Variants in ARHGAP44 observed in about 807,000 individuals in gnomAD.
The protein encoded by ARHGAP44 is rho GTPase-activating protein 44.
Under a neutral mutation model 106.8 loss-of-function variants are expected in ARHGAP44, and 43 were observed. That is an observed-to-expected ratio of 0.40 (90% CI 0.32 to 0.52). ARHGAP44 has a LOEUF of 0.52. Ranked by LOEUF, ARHGAP44 falls within the 20% of genes least tolerant of loss-of-function variation. ARHGAP44 has a pLI of 0.48. For missense variants in ARHGAP44, 866 were observed against 1,050.5 expected, an observed-to-expected ratio of 0.82 and a Z score of 2.43; for synonymous variants, 439 against 410.3, an observed-to-expected ratio of 1.07 and a Z score of -0.85.
intron 19 of ARHGAP44, chr17:12,982,589 AG>A (rs1393207529): frequency 2.0e-5 from 3 of 152,202 alleles, no homozygotes; most frequent in African/African-American, 7.2e-5. Context: ...CCCTGTACTC[AG>A]GAAGTAGAGT....
chr17:12,969,840 C>T (rs1416513939), intron 16 of ARHGAP44, among the ~76,000 whole-genome samples: 1 of 152,150 alleles, frequency 6.6e-6, no homozygotes, highest in African/African-American at 2.4e-5. Context: ...CATGGAAATG[C>T]CGGAAACAGG....
intron 20 of ARHGAP44, among the ~76,000 whole-genome samples, chr17:12,989,714 T>A (rs547650647): frequency 3.9e-5 from 6 of 152,316 alleles, no homozygotes; most frequent in Admixed American, 3.3e-4. Context: ...AAAGGTGTCA[T>A]TGAGACCTAC....
At chr17:12,868,591 TTATATATATATATATATATATATA>T (rs1209692482) in intron 1 of ARHGAP44, among the ~76,000 whole-genome samples, 8 of 47,142 alleles carry the variant, frequency 1.7e-4, no homozygotes, top group Non-Finnish European at 3.1e-4. Context: ...TATATGCATT[TTATATATATATATATATATATATA>T]TATATATATA....
chr17:12,845,401 G>A (rs144780872), intron 1 of ARHGAP44, among the ~76,000 whole-genome samples: 3 of 151,404 alleles, frequency 2.0e-5, no homozygotes, highest in African/African-American at 7.3e-5. Flanking sequence ...TCAGCTACTC[G>A]GGAGGCTGAG....
At chr17:12,978,687 TTTCTTTTTTC>T (rs1424547284) in intron 18 of ARHGAP44, among the ~76,000 whole-genome samples, 1 of 131,182 alleles carries the variant, frequency 7.6e-6, no homozygotes, top group African/African-American at 2.9e-5. Flanking sequence ...TCTTTTCTTT[TTTCTTTTTTC>T]TTTTTTTTTT....
chr17:12,846,847 G>A (rs1221258904), intron 1 of ARHGAP44, among the ~76,000 whole-genome samples: 2 of 152,110 alleles, frequency 1.3e-5, no homozygotes, highest in Admixed American at 6.5e-5. Context: ...TTCATTTTGC[G>A]TGCACAGCAA....
At chr17:12,967,249 CTTTTTTTT>C (rs57651305) in intron 16 of ARHGAP44, among the ~76,000 whole-genome samples, 24 of 93,184 alleles carry the variant, frequency 2.6e-4, no homozygotes, top group South Asian at 1.3e-3. Flanking sequence ...ACTCTTTTTG[CTTTTTTTT>C]TTTTTTTTTT....
chr17:12,984,779 C>A lies in ARHGAP44; in HGVS notation c.2188C>A (p.Pro730Thr). ...CACTTTGAGCAAATCGCGGCCCACT[C>A]CTAAGCCGCGACAGAGACCTACTCT... ...TSTLSKSRPT[P>T]KPRQRPTLPP... Residue 730 changes from proline to threonine, a missense_variant, in exon 20 of 21, where the codon CCT becomes ACT. Pro to Thr is a conservative substitution (Grantham distance 38). Transcript: ENST00000379672. 6.2e-7 allele frequency: 1 copy of A among 1,614,008 alleles called. No homozygotes were observed. Among genetic ancestry groups the A allele is most frequent in the Non-Finnish European group, 8.5e-7 (1 of 1,179,908 alleles).
At chr17:12,943,450 T>A in intron 8 of ARHGAP44, 138 bp from the exon 9 acceptor site, 1 of 696,184 alleles carries the variant, frequency 1.4e-6, no homozygotes, top group East Asian at 2.6e-5. Flanking sequence ...GCTCGTTATT[T>A]TAGGTAGATT....
At chr17:12,978,053 A>AAAAAAAAAAAAAAAAAAC (rs2039736463) in intron 18 of ARHGAP44, among the ~76,000 whole-genome samples, 1 of 149,886 alleles carries the variant, frequency 6.7e-6, no homozygotes, top group East Asian at 2.0e-4. Context: ...AAAAAAAAAA[A>AAAAAAAAAAAAAAAAAAC]AAAGTGTGTT....
intron 4 of ARHGAP44, among the ~76,000 whole-genome samples, chr17:12,912,784 A>G (rs2037779255): frequency 1.3e-5 from 2 of 152,214 alleles, no homozygotes; most frequent in Non-Finnish European, 2.9e-5. Context: ...GAAGGAAACC[A>G]TGCTCAGCCT....
intron 20 of ARHGAP44, chr17:12,988,694 A>G (rs1380395960): frequency 6.6e-6 from 1 of 152,202 alleles, no homozygotes; most frequent in Admixed American, 6.5e-5. Flanking sequence ...CTGTACACTT[A>G]GTATGGTATT....
intron 13 of ARHGAP44, 141 bp downstream of exon 13, chr17:12,952,722 CTTTTTTTTTTTTTTTTTTT>C (rs201371135): frequency 6.6e-6 from 2 of 304,786 alleles, no homozygotes; most frequent in Non-Finnish European, 6.0e-6. Context: ...TGCATGGTCT[CTTTTTTTTTTTTTTTTTTT>C]TTTTTTTTTT....
At chr17:12,794,215 G>C (rs1199691459) in intron 1 of ARHGAP44, among the ~76,000 whole-genome samples, 2 of 152,120 alleles carry the variant, frequency 1.3e-5, no homozygotes, top group Non-Finnish European at 2.9e-5. Context: ...AAAGCCCTGA[G>C]CTAAAATTTG....
At chr17:12,967,249 CTTTTTTTTTTTTT>C (rs57651305) in intron 16 of ARHGAP44, among the ~76,000 whole-genome samples, 14,422 of 93,176 alleles carry the variant, frequency 0.15, 976 homozygotes, top group Middle Eastern at 0.33. Context: ...ACTCTTTTTG[CTTTTTTTTTTTTT>C]TTTTTTTTTT....
chr17:12,894,169 C>T (rs1394768782), intron 1 of ARHGAP44, among the ~76,000 whole-genome samples: 1 of 151,930 alleles, frequency 6.6e-6, no homozygotes, highest in African/African-American at 2.4e-5. Flanking sequence ...TTTCTCTGTA[C>T]TCTTAAATCT....
intron 1 of ARHGAP44, among the ~76,000 whole-genome samples, chr17:12,810,387 G>A (rs564104815): frequency 6.6e-6 from 1 of 152,296 alleles, no homozygotes; most frequent in East Asian, 1.9e-4. Flanking sequence ...CCCAGTTTCT[G>A]GCACAAAGCT....
intron 1 of ARHGAP44, among the ~76,000 whole-genome samples, chr17:12,832,905 TA>T (rs2150815542): frequency 6.6e-6 from 1 of 152,348 alleles, no homozygotes; most frequent in African/African-American, 2.4e-5. Context: ...TTCCAGCTCA[TA>T]AAATCACAGA....
chr17:12,828,633 TTTC>T (rs1334794438), intron 1 of ARHGAP44, among the ~76,000 whole-genome samples: 3 of 135,170 alleles, frequency 2.2e-5, no homozygotes, highest in African/African-American at 9.8e-5. Context: ...TTTTTTTTTC[TTTC>T]TTTTTTTTTT....
Sources: gnomAD v4.1 joint callset for allele counts (sites outside exome capture counted in the v4.1 genomes callset) on GRCh38, gnomAD v4.1.1 for gene constraint, MANE v1.5 for transcripts, NCBI Gene and HGNC (gene_info 2026-07-23, HGNC 2026-07-21) for gene names.